The following USP34 variants were observed in gnomAD, a reference collection of about 807,000 sequenced individuals.
USP34 encodes the protein ubiquitin specific peptidase 34, also known as ubiquitin carboxyl-terminal hydrolase 34.
In USP34, 70 loss-of-function variants were observed where a neutral mutation model predicts 460.3. The ratio of observed to expected loss-of-function variants is 0.15; its 90% CI spans 0.13 to 0.19. USP34 has a LOEUF of 0.19. Among genes scored for constraint, USP34 ranks in the 10% least tolerant of loss-of-function variants. The pLI, the probability that USP34 is intolerant of heterozygous loss-of-function variation, is 1.00. For synonymous variants in USP34, 1,647 were observed against 1,405.3 expected (o/e 1.17, Z -3.85); for missense variants, 3,985 against 4,236.2 (o/e 0.94, Z 1.65).
chr2:61,194,389 G>A (rs1174795741), intron 75 of USP34, among the ~76,000 whole-genome samples: 1 of 152,240 alleles, frequency 6.6e-6, no homozygotes, highest in East Asian at 1.9e-4. Context: ...ACGTTCCCAT[G>A]TTCCTGTATC....
intron 57 of USP34, among the ~76,000 whole-genome samples, chr2:61,232,795 T>C (rs1360312736): frequency 2.0e-5 from 3 of 151,384 alleles, no homozygotes. Flanking sequence ...AAAATATCAT[T>C]CTCTTAGCCC....
chr2:61,229,558 T>C lies in USP34; in HGVS notation c.7189A>G (p.Met2397Val), dbSNP rs745341223. 2 of 1,606,148 alleles carry C rather than the reference T, an allele frequency of 1.2e-6. No individual in the cohort carries two copies. Among genetic ancestry groups the C allele is most frequent in the South Asian group, 2.2e-5 (2 of 90,476 alleles). Residue 2397 changes from methionine (M) to valine (V), a missense_variant, in exon 59 of 80, where the codon ATG becomes GTG. Physicochemically the swap from Met to Val is conservative, Grantham distance 21. Transcript: ENST00000398571. The stretch of plus-strand genomic sequence containing the variant: ...AAAAGTACTTCTTACCCATCTTCCA[T>C]TCCTGGCTGCAAATAGAGATGAGCA... ...VHAHLYLQPG[M>V]EDGSDDMDTS...
At chr2:61,433,822 C>T (rs1391909356) in intron 1 of USP34, among the ~76,000 whole-genome samples, 1 of 152,134 alleles carries the variant, frequency 6.6e-6, no homozygotes, top group African/African-American at 2.4e-5. Flanking sequence ...GAAACCAGAG[C>T]CACCTCTGGA....
At chr2:61,366,946 G>A (rs1263319307) in intron 10 of USP34, among the ~76,000 whole-genome samples, 1 of 152,118 alleles carries the variant, frequency 6.6e-6, no homozygotes, top group Non-Finnish European at 1.5e-5. Context: ...CTACTTAGGA[G>A]GCTGAGGTGG....
chr2:61,218,125 T>C (rs1266550466), intron 67 of USP34, among the ~76,000 whole-genome samples: 1 of 151,580 alleles, frequency 6.6e-6, no homozygotes, highest in African/African-American at 2.4e-5. Context: ...GTATTAGGCA[T>C]AATAGCTGGC....
chr2:61,280,399 T>G (rs1689498737), intron 38 of USP34, 51 bp from the exon 39 acceptor site: 2 of 882,446 alleles, frequency 2.3e-6, no homozygotes, highest in Non-Finnish European at 3.2e-6. Context: ...ATAAATAAAA[T>G]TATAATACAT....
chr2:61,189,167 A>C (rs139589738), intron 78 of USP34, 98 bp from the exon 79 acceptor site: 1 of 1,319,322 alleles, frequency 7.6e-7, no homozygotes, highest in East Asian at 2.4e-5. Flanking sequence ...CCAGGAATCC[A>C]TTCTTTCCTA....
At chr2:61,217,638 G>A (rs4672424) in intron 67 of USP34, among the ~76,000 whole-genome samples, 1 of 151,972 alleles carries the variant, frequency 6.6e-6, no homozygotes, top group Non-Finnish European at 1.5e-5. Flanking sequence ...CACTAGAATC[G>A]CTAAAACAGT....
chr2:61,385,935 T>G (rs1247373654), intron 5 of USP34, among the ~76,000 whole-genome samples: 1 of 146,976 alleles, frequency 6.8e-6, no homozygotes, highest in Non-Finnish European at 1.5e-5. Context: ...AGGTGGAGGT[T>G]GCAGTAAGCT....
chr2:61,362,785 T>C (rs1000906409), intron 10 of USP34, among the ~76,000 whole-genome samples: 19 of 152,306 alleles, frequency 1.2e-4, no homozygotes, highest in Middle Eastern at 3.4e-3. Context: ...TGTGAGGTAA[T>C]AGATATGTGA....
At chr2:61,225,583 TAAA>T (rs903285516) in intron 62 of USP34, among the ~76,000 whole-genome samples, 1 of 148,590 alleles carries the variant, frequency 6.7e-6, no homozygotes. Context: ...TGGAAACCAT[TAAA>T]AAAAAAAGTT....
chr2:61,428,986 C>T (rs1321372706), intron 1 of USP34, among the ~76,000 whole-genome samples: 3 of 151,988 alleles, frequency 2.0e-5, no homozygotes, highest in African/African-American at 7.3e-5. Context: ...ACACTAGAAA[C>T]AAACCAAATT....
intron 1 of USP34, among the ~76,000 whole-genome samples, chr2:61,469,989 G>C (rs940379926): frequency 1.3e-5 from 2 of 152,212 alleles, no homozygotes; most frequent in Non-Finnish European, 2.9e-5. Flanking sequence ...GTGTAGTACA[G>C]TGCTCTGCTT....
chr2:61,410,364 C>A (rs1694002402), intron 2 of USP34, among the ~76,000 whole-genome samples: 1 of 152,180 alleles, frequency 6.6e-6, no homozygotes, highest in South Asian at 2.1e-4. Context: ...CTGTGAGAAT[C>A]TGATGCTGCC....
chr2:61,328,048 G>C (rs912056513), intron 20 of USP34, among the ~76,000 whole-genome samples: 1 of 152,104 alleles, frequency 6.6e-6, no homozygotes, highest in Non-Finnish European at 1.5e-5. Context: ...TGTAATCCTA[G>C]CACTTTGGGA....
At chr2:61,437,878 GA>G (rs1407832795) in intron 1 of USP34, among the ~76,000 whole-genome samples, 2 of 151,614 alleles carry the variant, frequency 1.3e-5, no homozygotes, top group Non-Finnish European at 2.9e-5. Context: ...GTCTCCCAAG[GA>G]AAGTGCAGGA....
In USP34 at chr2:61,278,393, A is replaced by C; in HGVS notation, c.5307T>G (p.Ile1769Met). Residue 1769 changes from isoleucine (I) to methionine (M), a missense_variant, in exon 40 of 80, where the codon ATT becomes ATG. Coordinates refer to ENST00000398571, the MANE Select transcript of USP34 (RefSeq NM_014709.4). ...AATTTCACATCAAATTTTACCTTCG[A>C]ATACAGTCAGCCAAATGTCTTGCCA... ...DALARHLADC[I>M]RSREILDHQD... The C allele has an allele frequency of 1.2e-6, 2 of 1,607,898 alleles. No individual in the cohort carries two copies. The highest frequency in any genetic ancestry group is 1.7e-6 in the Non-Finnish European group (2 of 1,177,912).
rs1383100171 is a variant in USP34 at position 61,278,664 on chromosome 2, T to C, written c.5257-221A>G. 5.3e-5 allele frequency among the ~76,000 whole-genome samples: 8 copies of C among 152,272 alleles called. No individual in the cohort carries two copies. The East Asian group carries it at 1.2e-3, about 22-fold the overall frequency. ...TTCTACAAAAAAACAATCAATGGAA[T>C]GTTGATAATAAAATAAGTCAATGAC... On this transcript the variant is annotated intron_variant, in intron 39 of 79. Transcript: ENST00000398571.
intron 58 of USP34, among the ~76,000 whole-genome samples, chr2:61,231,175 A>T (rs1687884550): frequency 6.6e-6 from 1 of 152,200 alleles, no homozygotes; most frequent in Non-Finnish European, 1.5e-5. Context: ...ATTTATATGA[A>T]ATGGTCAAAA....
Sources: allele counts gnomAD v4.1 joint callset (sites outside exome capture counted in the v4.1 genomes callset), GRCh38; gene constraint gnomAD v4.1.1; transcripts MANE v1.5; gene names NCBI Gene and HGNC (gene_info 2026-07-23, HGNC 2026-07-21).